The following RBFOX1 variants were observed in gnomAD, a reference collection of about 807,000 sequenced individuals.
RBFOX1 encodes the protein RNA binding fox-1 homolog 1.
In RBFOX1, 8 loss-of-function variants were observed where a neutral mutation model predicts 57.7. The observed-to-expected ratio is 0.14, with a 90% confidence interval of 0.08 to 0.25. The LOEUF (loss-of-function observed/expected upper bound fraction) is 0.25. RBFOX1 is among the 10% of genes least tolerant of loss of function. The pLI, the probability that RBFOX1 is intolerant of heterozygous loss-of-function variation, is 1.00. For missense variants in RBFOX1, 611 were observed against 548.5 expected, an observed-to-expected ratio of 1.11 and a Z score of -1.14; for synonymous variants, 326 against 222.4, an observed-to-expected ratio of 1.47 and a Z score of -4.15.
chr16:7,293,038 C>T (rs187475761), intron 4 of RBFOX1, among the ~76,000 whole-genome samples: 4 of 152,230 alleles, frequency 2.6e-5, no homozygotes, highest in East Asian at 3.9e-4. Flanking sequence ...GGAACCAAGA[C>T]AGTTTAATCA....
chr16:5,874,889 T>C (rs1200750626), intron 4 of RBFOX1, among the ~76,000 whole-genome samples: 1 of 152,044 alleles, frequency 6.6e-6, no homozygotes, highest in Non-Finnish European at 1.5e-5. Flanking sequence ...GAGGCTGCAG[T>C]GAGCTATGAT....
chr16:6,291,995 T>A (rs1309765328), intron 1 of RBFOX1, among the ~76,000 whole-genome samples: 1 of 151,996 alleles, frequency 6.6e-6, no homozygotes, highest in East Asian at 1.9e-4. Flanking sequence ...GTGTGTAGTT[T>A]GGGTCTGTGT....
chr16:5,383,400 C>G (rs1034952126), intron 1 of RBFOX1, among the ~76,000 whole-genome samples: 3 of 152,168 alleles, frequency 2.0e-5, no homozygotes, highest in Non-Finnish European at 4.4e-5. Flanking sequence ...TCCTCTAACC[C>G]AAGGCAGCAG....
Position 7,338,834 on chromosome 16 carries a change from C to G in RBFOX1, c.28-179313C>G, listed in dbSNP as rs183682998. ...TCTGGTTGAACTTGAAAAACAACAGCTTGTTTGGCTCTGTGGCTGGCATTT... is the reference window on the plus strand; with the variant it reads ...TCTGGTTGAACTTGAAAAACAACAGGTTGTTTGGCTCTGTGGCTGGCATTT... On this transcript the variant is annotated intron_variant, in intron 4 of 15. Transcript: ENST00000550418. 5.6e-3 allele frequency among the ~76,000 whole-genome samples: 851 copies of G among 152,264 alleles called. 13 individuals are homozygous for G. The highest frequency in any genetic ancestry group is 3.5e-3 in the Non-Finnish European group (239 of 68,012).
intron 2 of RBFOX1, among the ~76,000 whole-genome samples, chr16:6,461,582 G>C (rs949497072): frequency 6.6e-6 from 1 of 152,168 alleles, no homozygotes; most frequent in African/African-American, 2.4e-5. Context: ...AAACAGAAAT[G>C]TTTTATTGTG....
intron 3 of RBFOX1, among the ~76,000 whole-genome samples, chr16:6,706,961 A>G (rs2062861411): frequency 6.6e-6 from 1 of 152,178 alleles, no homozygotes; most frequent in South Asian, 2.1e-4. Flanking sequence ...ATGAAAAATT[A>G]CAAACGTGTG....
In RBFOX1 at chr16:7,030,662, C is replaced by G. The variant is rs1316015740; in HGVS notation, c.-15-21395C>G. ...TAATCTACTATGATTTTCTCTTGAT[C>G]CTTACCTTATTTACATCTGTAAAGA... On this transcript the variant is annotated intron_variant, in intron 3 of 15. Coordinates refer to ENST00000550418, the MANE Select transcript of RBFOX1 (RefSeq NM_018723.4). 1.4e-4 allele frequency among the ~76,000 whole-genome samples: 22 copies of G among 152,164 alleles called. 1 individual carries two copies. The highest frequency in any genetic ancestry group is 2.4e-5 in the African/African-American group (1 of 41,440).
chr16:7,279,603 T>C (rs986106591), intron 4 of RBFOX1, among the ~76,000 whole-genome samples: 1 of 152,140 alleles, frequency 6.6e-6, no homozygotes, highest in African/African-American at 2.4e-5. Context: ...CAAAATAAAA[T>C]GTTCTGGGAA....
chr16:7,288,317 A>T (rs533793633), intron 4 of RBFOX1, among the ~76,000 whole-genome samples: 1 of 152,198 alleles, frequency 6.6e-6, no homozygotes, highest in Non-Finnish European at 1.5e-5. Context: ...TGCATCATAC[A>T]ATAAAGTAGA....
At chr16:6,696,544 T>G (rs563304368) in intron 3 of RBFOX1, among the ~76,000 whole-genome samples, 1 of 152,214 alleles carries the variant, frequency 6.6e-6, no homozygotes, top group Non-Finnish European at 1.5e-5. Context: ...AAATATTTAT[T>G]TGAGGTTTAA....
At chr16:5,396,134 G>A (rs2066547111) in intron 1 of RBFOX1, among the ~76,000 whole-genome samples, 2 of 152,158 alleles carry the variant, frequency 1.3e-5, no homozygotes, top group Admixed American at 1.3e-4. Flanking sequence ...CTGTTATGTA[G>A]CAAATCAGTA....
intron 4 of RBFOX1, among the ~76,000 whole-genome samples, chr16:7,376,802 T>C (rs942120070): frequency 6.6e-6 from 1 of 152,204 alleles, no homozygotes; most frequent in African/African-American, 2.4e-5. Context: ...CTGATGTCCC[T>C]TGCAGTAGAG....
At chr16:7,035,168 A>T (rs1405917127) in intron 3 of RBFOX1, among the ~76,000 whole-genome samples, 1 of 151,786 alleles carries the variant, frequency 6.6e-6, no homozygotes, top group African/African-American at 2.4e-5. Flanking sequence ...TGCATTTGTA[A>T]TGAGTTTCCA....
chr16:5,694,013 G>T (rs1229865767), intron 3 of RBFOX1, among the ~76,000 whole-genome samples: 1 of 152,140 alleles, frequency 6.6e-6, no homozygotes, highest in Non-Finnish European at 1.5e-5. Context: ...CACAGCTTCG[G>T]GGCATCAGAG....
At chr16:7,349,494 G>A (rs1165924070) in intron 4 of RBFOX1, among the ~76,000 whole-genome samples, 1 of 151,950 alleles carries the variant, frequency 6.6e-6, no homozygotes. Flanking sequence ...CTGCCAGCCA[G>A]TCCTTGTCAG....
intron 11 of RBFOX1, among the ~76,000 whole-genome samples, chr16:7,635,384 T>G (rs886352025): frequency 6.6e-6 from 1 of 152,224 alleles, no homozygotes; most frequent in Non-Finnish European, 1.5e-5. Context: ...TAAATTACAA[T>G]AGTAACAGGT....
intron 3 of RBFOX1, chr16:6,722,080 G>T (rs6500815): frequency 0.86 from 131,601 of 152,232 alleles, 57,352 homozygotes; most frequent in East Asian, 1. Flanking sequence ...TTTCACCTTT[G>T]GGCTATTATG....
At chr16:7,236,989 A>G (rs1262049293) in intron 4 of RBFOX1, among the ~76,000 whole-genome samples, 2 of 152,222 alleles carry the variant, frequency 1.3e-5, no homozygotes, top group African/African-American at 4.8e-5. Flanking sequence ...TGGCTTTGGA[A>G]GAGGCAAGCC....
At chr16:6,130,591 A>G (rs765664672) in intron 1 of RBFOX1, among the ~76,000 whole-genome samples, 16 of 152,162 alleles carry the variant, frequency 1.1e-4, no homozygotes, top group Non-Finnish European at 1.8e-4. Context: ...TTGTCAGACT[A>G]TAATAAAAAG....
Sources: allele counts gnomAD v4.1 joint callset (sites outside exome capture counted in the v4.1 genomes callset), GRCh38; gene constraint gnomAD v4.1.1; transcripts MANE v1.5; gene names NCBI Gene and HGNC (gene_info 2026-07-23, HGNC 2026-07-21).